UROC1: variants seen among roughly 807,000 people sequenced by gnomAD.
UROC1 encodes urocanate hydratase 1, also known as urocanate hydratase.
UROC1 carries 79 observed loss-of-function variants against 89.5 expected under a neutral mutation model. That is an observed-to-expected ratio of 0.88 (90% CI 0.74 to 1.06). The LOEUF (loss-of-function observed/expected upper bound fraction) is 1.06. Ranked by LOEUF, UROC1 falls within the 50% of genes least tolerant of loss-of-function variation. The pLI, the probability that UROC1 is intolerant of heterozygous loss-of-function variation, is 0.00. For synonymous variants in UROC1, 361 were observed against 354.8 expected, an observed-to-expected ratio of 1.02 and a Z score of -0.20; for missense variants, 885 against 907.8, an observed-to-expected ratio of 0.97 and a Z score of 0.32.
At chr3:126,485,932 G>A (rs1935505965) in intron 18 of UROC1, among the ~76,000 whole-genome samples, 1 of 152,146 alleles carries the variant, frequency 6.6e-6, no homozygotes, top group Non-Finnish European at 1.5e-5. Flanking sequence ...AAACTGCAGA[G>A]GAATTATTTA....
At chr3:126,497,345 A>T (rs1326912860) in intron 14 of UROC1, among the ~76,000 whole-genome samples, 1 of 152,214 alleles carries the variant, frequency 6.6e-6, no homozygotes, top group Non-Finnish European at 1.5e-5. Context: ...TAACCATGAA[A>T]CAACAACGTC....
chr3:126,484,869 C>T (rs1258490561), intron 18 of UROC1, among the ~76,000 whole-genome samples: 1 of 152,202 alleles, frequency 6.6e-6, no homozygotes, highest in Non-Finnish European at 1.5e-5. Context: ...ATGCCCAGGC[C>T]TGAGCACTCC....
rs140432607 is a variant in UROC1 at position 126,505,763 on chromosome 3, C to T, written c.751G>A (p.Gly251Arg). 116 of 1,613,886 alleles carry T rather than the reference C, an allele frequency of 7.2e-5. 1 individual carries two copies. The African/African-American group carries it at 8.4e-4, about 12-fold the overall frequency. ...GCCTTGGCCTGAGCCCCACTCATTC[C>T]GCCGAGCCCAGAGGTGACAAAGACC... ...GKVFVTSGLG[G>R]MSGAQAKAAV... is the part of the protein sequence containing the mutation. The change falls in exon 8 of 20, where the codon GGA becomes AGA. Residue 251 changes from glycine (G) to arginine (R), a missense_variant. Coordinates refer to ENST00000290868, the MANE Select transcript of UROC1 (RefSeq NM_144639.3).
intron 16 of UROC1, 82 bp downstream of exon 16, chr3:126,492,336 G>T: frequency 1.5e-6 from 2 of 1,343,836 alleles, no homozygotes; most frequent in Non-Finnish European, 1.0e-6. Flanking sequence ...GTGCAGCCGA[G>T]GCACACGCAG....
At chr3:126,493,152 G>A (rs1056347656) in intron 15 of UROC1, among the ~76,000 whole-genome samples, 36 of 152,150 alleles carry the variant, frequency 2.4e-4, no homozygotes, top group African/African-American at 7.2e-4. Context: ...CAGCTTCAGC[G>A]CATGAAATGA....
At chr3:126,493,181 G>A (rs1935693230) in intron 15 of UROC1, among the ~76,000 whole-genome samples, 1 of 152,064 alleles carries the variant, frequency 6.6e-6, no homozygotes, top group African/African-American at 2.4e-5. Flanking sequence ...GTAGCCCCGC[G>A]GTCCTCAAGC....
rs371652976 is a variant in UROC1, at chr3:126,498,094, G to A, written c.1395C>T (p.Asp465=). 109 of 1,614,128 alleles carry A rather than the reference G, an allele frequency of 6.8e-5. No homozygotes were observed. Among genetic ancestry groups the A allele is most frequent in the Non-Finnish European group, 8.6e-5 (101 of 1,180,024 alleles). ...SGDPQDLAVT[D]ELATSVLEEA... ...CCTCCAGCACAGATGTGGCCAGTTCGTCTGTGACCGCCAGGTCCTGGGGGT... is the reference window on the plus strand; with the variant it reads ...CCTCCAGCACAGATGTGGCCAGTTCATCTGTGACCGCCAGGTCCTGGGGGT... Residue 465 remains aspartate (D), a synonymous_variant, in exon 14 of 20, where the codon GAC becomes GAT. Coordinates refer to ENST00000290868, the MANE Select transcript of UROC1 (RefSeq NM_144639.3).
In UROC1 at chr3:126,496,082, T is replaced by C. The variant is rs1445549528; in HGVS notation, c.1465A>G (p.Met489Val). The C allele has an allele frequency of 6.2e-6, 10 of 1,613,332 alleles. No individual in the cohort carries two copies. The highest frequency in any genetic ancestry group is 8.5e-6 in the Non-Finnish European group (10 of 1,180,008). ...TCCCGGATCCAGCGGATGTTGTCCA[T>C]GTACTGCAGCTTCACAGACACCTTC... is the stretch of plus-strand genomic sequence containing the variant. ...GVKVSVKLQY[M>V]DNIRWIREAA... Residue 489 changes from methionine (M) to valine (V), a missense_variant, in exon 15 of 20, where the codon ATG (methionine) becomes GTG (valine). Coordinates refer to ENST00000290868, the MANE Select transcript of UROC1 (RefSeq NM_144639.3).
intron 1 of UROC1, among the ~76,000 whole-genome samples, chr3:126,515,188 G>A (rs1017742446): frequency 1.3e-5 from 2 of 152,074 alleles, no homozygotes; most frequent in African/African-American, 2.4e-5. Flanking sequence ...GCCACAGGGC[G>A]CCGCAGGGGA....
chr3:126,487,254 G>T (rs143680672), intron 18 of UROC1, among the ~76,000 whole-genome samples: 1 of 152,342 alleles, frequency 6.6e-6, no homozygotes, highest in East Asian at 1.9e-4. Flanking sequence ...TGGGCAAACT[G>T]CTCAGCCTCC....
In UROC1 at chr3:126,483,029, C is replaced by T. The variant is rs187268029; in HGVS notation, c.1890+340G>A. Among the ~76,000 whole-genome samples, 745 of 152,318 alleles carry T rather than the reference C, an allele frequency of 4.9e-3. 4 individuals are homozygous for T. The highest frequency in any genetic ancestry group is 0.041 in the Middle Eastern group (12 of 294). ...CCCAGCTCCGCCAGAAGCCCTGCAG[C>T]TCCCGGTGAGATGGGGTGAGTCTCC... On this transcript the variant is annotated intron_variant, in intron 19 of 19. Coordinates refer to ENST00000290868, the MANE Select transcript of UROC1 (RefSeq NM_144639.3).
chr3:126,505,885 C>T, intron 7 of UROC1, 41 bp from the exon 8 acceptor site: 2 of 1,610,576 alleles, frequency 1.2e-6, no homozygotes, highest in Non-Finnish European at 1.7e-6. Flanking sequence ...CCACTCCCAG[C>T]CCGCCCCCTC....
chr3:126,501,303 C>T (rs754705423), intron 9 of UROC1, 23 bp from the exon 10 acceptor site: 6 of 1,613,588 alleles, frequency 3.7e-6, no homozygotes, highest in East Asian at 2.2e-5. Context: ...AAAAGCAGAA[C>T]AGGTGCCCCC....
At chr3:126,497,111 C>T (rs1315750324) in intron 14 of UROC1, among the ~76,000 whole-genome samples, 1 of 152,118 alleles carries the variant, frequency 6.6e-6, no homozygotes, top group East Asian at 1.9e-4. Flanking sequence ...TCCTCCTCCA[C>T]AGGTGACCAC....
intron 3 of UROC1, among the ~76,000 whole-genome samples, chr3:126,509,301 G>A (rs1224888776): frequency 6.6e-6 from 1 of 151,568 alleles, no homozygotes; most frequent in African/African-American, 2.4e-5. Flanking sequence ...AAAATATAGT[G>A]TAAATTTGTT....
chr3:126,491,356 G>A (rs893105774), intron 16 of UROC1, among the ~76,000 whole-genome samples: 10 of 152,352 alleles, frequency 6.6e-5, no homozygotes, highest in South Asian at 2.1e-4. Flanking sequence ...GTTAGGACAC[G>A]CTGCACAGTG....
rs994898357 is a variant in UROC1, at chr3:126,482,356, G to A, written c.2020C>T (p.Leu674=). The A allele has an allele frequency of 6.2e-7, 1 of 1,613,110 alleles. No individual in the cohort carries two copies. The highest frequency in any genetic ancestry group is 1.3e-5 in the African/African-American group (1 of 74,914). ...VEDERVLQQA[L]QL ...GACTCCTGGCTCCCTCAGAGCTGCA[G>A]GGCCTGCTGGAGCACCCGCTCGTCC... The change falls in exon 20 of 20, where the codon CTG becomes TTG. Residue 674 remains leucine, a synonymous_variant. Coordinates refer to ENST00000290868, the MANE Select transcript of UROC1 (RefSeq NM_144639.3).
At chr3:126,489,461 C>G in intron 16 of UROC1, 86 bp from the exon 17 acceptor site, 3 of 1,059,038 alleles carry the variant, frequency 2.8e-6, no homozygotes, top group South Asian at 2.5e-5. Context: ...CAGGTCACAC[C>G]AGAACCCGCT....
rs185269371 is a variant in UROC1, at chr3:126,507,852, G to A, written c.541-49C>T. The A allele has an allele frequency of 1.1e-5, 17 of 1,613,140 alleles. No homozygotes were observed. The East Asian group carries it at 1.1e-4, about 11-fold the overall frequency. ...CAGAGGGGCTGAGGGCTTGGAGGGC[G>A]AGCACAGAGCCCTGGGGATGATGCA... On this transcript the variant is annotated intron_variant, in intron 5 of 19. Coordinates refer to ENST00000290868, the MANE Select transcript of UROC1 (RefSeq NM_144639.3).
Sources: allele counts gnomAD v4.1 joint callset (sites outside exome capture counted in the v4.1 genomes callset), GRCh38; gene constraint gnomAD v4.1.1; transcripts MANE v1.5; gene names NCBI Gene and HGNC (gene_info 2026-07-23, HGNC 2026-07-21).